The following CRPPA variants were observed in gnomAD, a reference collection of about 807,000 sequenced individuals.
CRPPA encodes the protein D-ribitol-5-phosphate cytidylyltransferase.
In CRPPA, 43 loss-of-function variants were observed where a neutral mutation model predicts 52.0. The ratio of observed to expected loss-of-function variants is 0.83; its 90% CI spans 0.65 to 1.07. CRPPA has a LOEUF of 1.07. Among genes scored for constraint, CRPPA ranks in the 50% least tolerant of loss-of-function variants. CRPPA has a pLI of 0.00. For synonymous variants in CRPPA, 250 were observed against 203.5 expected (o/e 1.23, Z -1.94); for missense variants, 629 against 551.7 (o/e 1.14, Z -1.40).
intron 9 of CRPPA, among the ~76,000 whole-genome samples, chr7:16,190,529 A>G (rs1781587381): frequency 6.6e-6 from 1 of 152,164 alleles, no homozygotes; most frequent in African/African-American, 2.4e-5. Context: ...CAAACAACAC[A>G]GGTCTGATTA....
intron 8 of CRPPA, among the ~76,000 whole-genome samples, chr7:16,240,576 C>T (rs1173081910): frequency 7.0e-6 from 1 of 143,048 alleles, no homozygotes; most frequent in African/African-American, 2.7e-5. Context: ...TACACATACA[C>T]ACACACACAC....
At chr7:16,326,171 A>C (rs940606713) in intron 3 of CRPPA, among the ~76,000 whole-genome samples, 2 of 152,066 alleles carry the variant, frequency 1.3e-5, no homozygotes, top group Non-Finnish European at 2.9e-5. Flanking sequence ...CCTGGATAAT[A>C]AATATTTCCT....
intron 8 of CRPPA, among the ~76,000 whole-genome samples, chr7:16,225,737 T>A (rs917205994): frequency 1.6e-4 from 25 of 151,862 alleles, no homozygotes; most frequent in South Asian, 4.2e-4. Context: ...GTCATTTTTT[T>A]AAAAAAATAC....
chr7:16,105,473 G>A (rs1422213758), intron 9 of CRPPA, among the ~76,000 whole-genome samples: 3 of 152,092 alleles, frequency 2.0e-5, no homozygotes, highest in Non-Finnish European at 2.9e-5. Context: ...ATGCTTCCTA[G>A]AAAGCCCACT....
intron 9 of CRPPA, among the ~76,000 whole-genome samples, chr7:16,104,762 T>C (rs926751412): frequency 2.0e-5 from 3 of 152,062 alleles, no homozygotes; most frequent in Non-Finnish European, 4.4e-5. Flanking sequence ...TAGCCAGGCA[T>C]GGTGGCGTGC....
At chr7:16,227,145 C>G (rs1782673517) in intron 8 of CRPPA, among the ~76,000 whole-genome samples, 2 of 151,886 alleles carry the variant, frequency 1.3e-5, no homozygotes, top group Non-Finnish European at 2.9e-5. Flanking sequence ...CATTTGTGGA[C>G]ACTTAGGTTG....
intron 1 of CRPPA, among the ~76,000 whole-genome samples, chr7:16,418,598 G>A (rs1231768612): frequency 1.3e-5 from 2 of 152,134 alleles, no homozygotes; most frequent in African/African-American, 4.8e-5. Flanking sequence ...GCAGCAGGAA[G>A]GAGAATGAAC....
chr7:16,413,604 C>T (rs1220799490), intron 1 of CRPPA, among the ~76,000 whole-genome samples: 1 of 152,188 alleles, frequency 6.6e-6, no homozygotes, highest in East Asian at 1.9e-4. Context: ...CAACCTTGTT[C>T]ATCTGGACTA....
chr7:16,400,285 T>G (rs17169463), intron 2 of CRPPA, among the ~76,000 whole-genome samples: 1 of 152,220 alleles, frequency 6.6e-6, no homozygotes, highest in Non-Finnish European at 1.5e-5. Flanking sequence ...CTGTGTGACA[T>G]GACCAATGAG....
intron 3 of CRPPA, among the ~76,000 whole-genome samples, chr7:16,374,378 A>G (rs943450765): frequency 1.3e-5 from 2 of 152,010 alleles, no homozygotes; most frequent in Non-Finnish European, 2.9e-5. Flanking sequence ...AGGCTTTTGG[A>G]CTTGAATTGA....
At chr7:16,361,782 T>C (rs1786451508) in intron 3 of CRPPA, among the ~76,000 whole-genome samples, 1 of 152,232 alleles carries the variant, frequency 6.6e-6, no homozygotes. Context: ...TGAATGTACT[T>C]AATGTCACTG....
At position 16,091,656 on chromosome 7, in the gene CRPPA, A is replaced by C; in HGVS notation, c.*39T>G. ...GGCACAAAGCACAATTAAGATACGC[A>C]AATAGATGTTTTAGAAAATAGGTAA... On this transcript the variant is annotated 3_prime_UTR_variant, in exon 10 of 10. Transcript: ENST00000407010. The C allele has an allele frequency of 1.7e-6, 2 of 1,160,394 alleles. No individual in the cohort carries two copies. The highest frequency in any genetic ancestry group is 2.5e-6 in the Non-Finnish European group (2 of 796,066). The allele number at this position is 1,160,394 out of a possible 1,614,324, so 71.9% of individuals were successfully genotyped here.
intron 9 of CRPPA, among the ~76,000 whole-genome samples, chr7:16,157,552 C>A (rs1168264563): frequency 6.6e-6 from 1 of 151,872 alleles, no homozygotes; most frequent in Non-Finnish European, 1.5e-5. Flanking sequence ...AATAAATCAG[C>A]TAGTATTTTT....
chr7:16,291,193 G>A (rs1784556741), intron 5 of CRPPA, among the ~76,000 whole-genome samples: 1 of 151,968 alleles, frequency 6.6e-6, no homozygotes, highest in Non-Finnish European at 1.5e-5. Flanking sequence ...ATTTAAATTA[G>A]TACAAGACCT....
At chr7:16,187,289 C>T (rs2128389396) in intron 9 of CRPPA, among the ~76,000 whole-genome samples, 2 of 152,288 alleles carry the variant, frequency 1.3e-5, no homozygotes, top group Admixed American at 1.3e-4. Context: ...ACACTAAAAA[C>T]ATAAACTCAG....
chr7:16,199,917 G>C (rs1054843955), intron 9 of CRPPA, among the ~76,000 whole-genome samples: 1 of 148,980 alleles, frequency 6.7e-6, no homozygotes, highest in Non-Finnish European at 1.5e-5. Flanking sequence ...GGGTGCAATG[G>C]TGCGATCTCA....
At chr7:16,303,491 A>AAAAAAAAAAAAAAAAAAAAAAAAAAAC (rs766268683) in intron 4 of CRPPA, among the ~76,000 whole-genome samples, 51 of 125,024 alleles carry the variant, frequency 4.1e-4, no homozygotes, top group Non-Finnish European at 5.6e-4. Flanking sequence ...AAAAAAAAAA[A>AAAAAAAAAAAAAAAAAAAAAAAAAAAC]AAAAAAAAAA....
intron 9 of CRPPA, among the ~76,000 whole-genome samples, chr7:16,198,926 G>T (rs1781793202): frequency 6.6e-6 from 1 of 152,052 alleles, no homozygotes. Context: ...CCAAATCTCT[G>T]CACTAGAGGC....
At chr7:16,142,000 T>C (rs750514353) in intron 9 of CRPPA, among the ~76,000 whole-genome samples, 36 of 152,198 alleles carry the variant, frequency 2.4e-4, no homozygotes, top group Non-Finnish European at 3.8e-4. Context: ...GAGAATCACC[T>C]TTCTCTTTAA....
Sources: allele counts gnomAD v4.1 joint callset (sites outside exome capture counted in the v4.1 genomes callset), GRCh38; gene constraint gnomAD v4.1.1; transcripts MANE v1.5; gene names NCBI Gene and HGNC (gene_info 2026-07-23, HGNC 2026-07-21).